Variants in LIPI observed in about 807,000 individuals in gnomAD.
The protein encoded by LIPI is lipase I.
Under a neutral mutation model 50.6 loss-of-function variants are expected in LIPI, and 59 were observed. The ratio of observed to expected loss-of-function variants is 1.16; its 90% confidence interval spans 0.94 to 1.45. The LOEUF is 1.45. Among genes scored for constraint, LIPI ranks in the 40% most tolerant of loss-of-function variants. The pLI is 0.00. For missense variants in LIPI, 586 were observed against 536.3 expected, an observed-to-expected ratio of 1.09 and a Z score of -0.92; for synonymous variants, 203 against 178.2, an observed-to-expected ratio of 1.14 and a Z score of -1.11.
intron 2 of LIPI, among the ~76,000 whole-genome samples, chr21:14,187,468 G>A (rs1024590516): frequency 1.3e-5 from 2 of 152,080 alleles, no homozygotes; most frequent in Admixed American, 6.6e-5. Context: ...CAGTGCTGCC[G>A]GTCATTTAAA....
rs181000220 is a variant in LIPI, at chr21:14,198,083, T to A, written c.47-8664A>T. Among the ~76,000 whole-genome samples, 571 of 152,196 alleles carry A rather than the reference T, an allele frequency of 3.8e-3. 5 individuals carry two copies. The Middle Eastern group carries it at 0.041, about 11-fold the overall frequency. On this transcript the variant is annotated intron_variant, in intron 1 of 9. Transcript: ENST00000681601. The stretch of plus-strand genomic sequence containing the variant: ...ACAAGCAAAGGCTGAGGGAATTTGT[T>A]ACCACCAGACCTGCCTTACAAGAGC...
chr21:14,135,498 G>A (rs1419125282), intron 9 of LIPI, among the ~76,000 whole-genome samples: 2 of 152,112 alleles, frequency 1.3e-5, no homozygotes, highest in African/African-American at 4.8e-5. Flanking sequence ...TGGGTGCTAG[G>A]GGAAGGAGAA....
intron 4 of LIPI, among the ~76,000 whole-genome samples, chr21:14,175,363 A>C (rs1193491522): frequency 6.6e-6 from 1 of 152,134 alleles, no homozygotes; most frequent in Non-Finnish European, 1.5e-5. Context: ...TAACTTTAAA[A>C]ACTTTTTATA....
At chr21:14,190,695 A>C (rs1391387856) in intron 1 of LIPI, among the ~76,000 whole-genome samples, 2 of 152,194 alleles carry the variant, frequency 1.3e-5, no homozygotes, top group Non-Finnish European at 2.9e-5. Flanking sequence ...ATTTGGAAAA[A>C]TTATTTCATT....
intron 4 of LIPI, among the ~76,000 whole-genome samples, chr21:14,168,660 A>C (rs905001059): frequency 6.6e-6 from 1 of 152,216 alleles, no homozygotes; most frequent in Non-Finnish European, 1.5e-5. Context: ...AGACAAGCAA[A>C]TGCTGAGAGA....
chr21:14,166,247 T>C (rs2018678544), intron 5 of LIPI, 115 bp downstream of exon 5: 2 of 740,538 alleles, frequency 2.7e-6, no homozygotes, highest in Admixed American at 1.8e-5. Context: ...TCCTGAGTCA[T>C]GGGCAATGAT....
At chr21:14,149,072 C>A (rs1229502915) in intron 8 of LIPI, among the ~76,000 whole-genome samples, 4 of 152,126 alleles carry the variant, frequency 2.6e-5, no homozygotes, top group African/African-American at 7.2e-5. Flanking sequence ...TTAGTCTGTT[C>A]TCATGTGGCT....
chr21:14,111,177 C>A (rs950844088), intron 9 of LIPI, among the ~76,000 whole-genome samples: 1 of 151,790 alleles, frequency 6.6e-6, no homozygotes, highest in African/African-American at 2.4e-5. Context: ...TTTTTCCTAA[C>A]AACTTTTCTA....
chr21:14,193,492 C>T (rs376769924), intron 1 of LIPI, among the ~76,000 whole-genome samples: 3 of 152,120 alleles, frequency 2.0e-5, no homozygotes, highest in East Asian at 3.9e-4. Context: ...CTATATGTTA[C>T]CTACAAGAGA....
At chr21:14,165,820 T>C (rs911321978) in intron 5 of LIPI, among the ~76,000 whole-genome samples, 3 of 152,206 alleles carry the variant, frequency 2.0e-5, no homozygotes, top group African/African-American at 7.2e-5. Context: ...CCTCCTCCTT[T>C]TCACCAAACT....
In LIPI at chr21:14,116,379, C is replaced by G. The variant is rs1261467598; in HGVS notation, c.1296-7299G>C. On this transcript the variant is annotated intron_variant, in intron 9 of 9. Transcript: ENST00000681601. ...CTTCACAGCAGTAGTTGGGTGTGAC[C>G]TGGCCAAGCAGCACCCAAACCTCCT... 2.0e-5 allele frequency among the ~76,000 whole-genome samples: 3 copies of G among 152,236 alleles called. No homozygotes were observed. In the East Asian group the frequency reaches 5.8e-4, roughly 29 times the overall value.
At chr21:14,202,797 C>A (rs776236652) in intron 1 of LIPI, among the ~76,000 whole-genome samples, 21,542 of 151,926 alleles carry the variant, frequency 0.14, 1,965 homozygotes, top group South Asian at 0.21. Flanking sequence ...TCTAAAACAC[C>A]AAAAGCAATG....
intron 9 of LIPI, among the ~76,000 whole-genome samples, chr21:14,122,040 A>C (rs979752816): frequency 5.3e-5 from 8 of 152,288 alleles, no homozygotes; most frequent in African/African-American, 1.9e-4. Context: ...GCTTATACTG[A>C]TTGTTTTGCT....
intron 7 of LIPI, among the ~76,000 whole-genome samples, chr21:14,158,839 A>C (rs921203524): frequency 2.0e-5 from 3 of 151,142 alleles, no homozygotes; most frequent in Non-Finnish European, 3.0e-5. Flanking sequence ...TGCAATCATT[A>C]AAAAGATAAA....
At position 14,204,216 on chromosome 21, in the gene LIPI, C is replaced by T. The variant is rs1056040644; in HGVS notation, c.46+6584G>A. 1.3e-4 allele frequency among the ~76,000 whole-genome samples: 20 copies of T among 151,762 alleles called. No homozygotes were observed. The South Asian group carries it at 2.3e-3, about 17-fold the overall frequency. The stretch of plus-strand genomic sequence containing the variant: ...TTCAGTTATATGATATAATCAATTA[C>T]TATTTTTTGAAGGATGAGTGGGTTT... On this transcript the variant is annotated intron_variant, in intron 1 of 9. Coordinates refer to ENST00000681601, the MANE Select transcript of LIPI (RefSeq NM_001302998.2).
intron 1 of LIPI, chr21:14,206,958 G>T: frequency 1.5e-6 from 2 of 1,320,868 alleles, no homozygotes; most frequent in Non-Finnish European, 2.2e-6. Flanking sequence ...CTAGCTCTTT[G>T]TTTATTCATG....
intron 1 of LIPI, among the ~76,000 whole-genome samples, chr21:14,209,464 A>G (rs2020309328): frequency 6.6e-6 from 1 of 152,164 alleles, no homozygotes; most frequent in Admixed American, 6.5e-5. Flanking sequence ...AAATTTTTTA[A>G]TCAAGTAGAG....
chr21:14,187,246 ACTT>A (rs1246300059), intron 2 of LIPI, among the ~76,000 whole-genome samples: 2 of 152,170 alleles, frequency 1.3e-5, no homozygotes, highest in Non-Finnish European at 2.9e-5. Flanking sequence ...ATGAGAGTGT[ACTT>A]CCACCACACT....
intron 4 of LIPI, among the ~76,000 whole-genome samples, chr21:14,172,393 T>C (rs1479279274): frequency 2.6e-5 from 4 of 152,228 alleles, no homozygotes; most frequent in African/African-American, 9.7e-5. Context: ...CTATAAATCA[T>C]GCTGCTTAAA....
Sources: allele counts gnomAD v4.1 joint callset (sites outside exome capture counted in the v4.1 genomes callset), GRCh38; gene constraint gnomAD v4.1.1; transcripts MANE v1.5; gene names NCBI Gene and HGNC (gene_info 2026-07-23, HGNC 2026-07-21).